The following LCOR variants were observed in gnomAD, a reference collection of about 807,000 sequenced individuals.
LCOR encodes ligand dependent nuclear receptor corepressor, also known as ligand-dependent corepressor.
A neutral mutation model predicts 64.4 loss-of-function variants in LCOR; 14 were observed. The ratio of observed to expected loss-of-function variants is 0.22; its 90% CI spans 0.14 to 0.34. The LOEUF is 0.34. LCOR is among the 10% of genes least tolerant of loss of function. The pLI, the probability that LCOR is intolerant of heterozygous loss-of-function variation, is 1.00. For synonymous variants in LCOR, 643 were observed against 642.5 expected (o/e 1.00, Z -0.01); for missense variants, 1,686 against 1,765.3 (o/e 0.96, Z 0.80).
At chr10:96,912,054 C>G (rs538788977) in intron 4 of LCOR, among the ~76,000 whole-genome samples, 1 of 152,078 alleles carries the variant, frequency 6.6e-6, no homozygotes, top group African/African-American at 2.4e-5. Flanking sequence ...ACCTCAGTCT[C>G]CCGAGTAGCT....
intron 2 of LCOR, among the ~76,000 whole-genome samples, chr10:96,874,263 A>G (rs1846126452): frequency 6.6e-6 from 1 of 152,222 alleles, no homozygotes; most frequent in South Asian, 2.1e-4. Context: ...CCATCATTAA[A>G]GATTCTTCTG....
At chr10:96,920,381 C>G (rs1847026769) in intron 4 of LCOR, among the ~76,000 whole-genome samples, 1 of 79,010 alleles carries the variant, frequency 1.3e-5, no homozygotes, top group East Asian at 4.5e-4. Context: ...GTTCTTCATT[C>G]ATATATATAT....
At chr10:96,956,823 T>A (rs1847791616) in intron 7 of LCOR, 11 of 985,688 alleles carry the variant, frequency 1.1e-5, no homozygotes, top group African/African-American at 1.7e-5. Context: ...TTTGTATTCT[T>A]CAGTCCTTTT....
chr10:96,985,376 C>T lies in LCOR; in HGVS notation c.*242C>T. On this transcript the variant is annotated 3_prime_UTR_variant, in exon 8 of 8. Coordinates refer to ENST00000421806, the MANE Select transcript of LCOR (RefSeq NM_001346516.2). ...TGTTCCTTGGGTTTTAAACTTGGAA[C>T]CAAGCAGTTTTCGTTTTTAAAAGTA... The T allele has an allele frequency of 2.4e-6, 1 of 418,358 alleles. No homozygotes were observed. Among genetic ancestry groups the T allele is most frequent in the Non-Finnish European group, 4.2e-6 (1 of 240,926 alleles). The allele number at this position is 418,358 out of a possible 1,614,324, so 25.9% of individuals were successfully genotyped here. A position where few individuals can be genotyped will look rare whatever the true frequency, so the allele number is the denominator to read the frequency against.
At chr10:96,883,774 C>G (rs1321922930) in intron 2 of LCOR, among the ~76,000 whole-genome samples, 1 of 151,978 alleles carries the variant, frequency 6.6e-6, no homozygotes, top group Admixed American at 6.6e-5. Context: ...TATTTATTTC[C>G]CAGTCTGTGG....
intron 4 of LCOR, chr10:96,915,949 G>A: frequency 2.9e-6 from 1 of 348,816 alleles, no homozygotes; most frequent in South Asian, 2.7e-5. Context: ...GCAGGATGCA[G>A]TGGTGCGTGG....
chr10:96,971,499 G>C (rs1037743482), intron 7 of LCOR, among the ~76,000 whole-genome samples: 17 of 152,098 alleles, frequency 1.1e-4, no homozygotes, highest in Non-Finnish European at 8.8e-5. Context: ...AGACGGTTAG[G>C]TCAATAGTTA....
chr10:96,952,096 T>C lies in LCOR; in HGVS notation c.239-7T>C. ...ATATCCTCAGGTGTTTCTTTGTGTC[T>C]CTGCAGACGGTGTACTTGATCTGTC... On this transcript the variant is annotated splice_region_variant and splice_polypyrimidine_tract_variant and intron_variant, in intron 6 of 7. Transcript: ENST00000421806. 1 of 1,607,624 alleles carries C rather than the reference T, an allele frequency of 6.2e-7. No homozygotes were observed. The highest frequency in any genetic ancestry group is 8.5e-7 in the Non-Finnish European group (1 of 1,174,830).
intron 2 of LCOR, among the ~76,000 whole-genome samples, chr10:96,888,506 T>C (rs1353527943): frequency 1.3e-5 from 2 of 151,700 alleles, no homozygotes; most frequent in South Asian, 4.1e-4. Flanking sequence ...ATAGGATCAG[T>C]AGTGATATTA....
chr10:96,849,024 T>TC (rs1845680427), intron 2 of LCOR, among the ~76,000 whole-genome samples: 1 of 150,642 alleles, frequency 6.6e-6, no homozygotes, highest in Non-Finnish European at 1.5e-5. Context: ...TTTTTTTTTT[T>TC]TTTGAGACAG....
At chr10:96,921,613 C>T (rs1050012400) in intron 4 of LCOR, among the ~76,000 whole-genome samples, 2 of 152,138 alleles carry the variant, frequency 1.3e-5, no homozygotes, top group African/African-American at 2.4e-5. Flanking sequence ...AGATGCATGC[C>T]ATCACACCTG....
At chr10:96,961,253 GTTTGGGGGGTAAT>G (rs1847874858) in intron 7 of LCOR, 1 of 152,070 alleles carries the variant, frequency 6.6e-6, no homozygotes, top group African/African-American at 2.4e-5. Context: ...TTCTGCAACC[GTTTGGGGGGTAAT>G]TTTATGGTTT....
At chr10:96,942,307 GCGGCGCGCGCCTGCAATCGCAGGCACT>G (rs1287655546) in intron 4 of LCOR, among the ~76,000 whole-genome samples, 2 of 152,136 alleles carry the variant, frequency 1.3e-5, no homozygotes, top group Non-Finnish European at 2.9e-5. Flanking sequence ...GTCAGGCGTG[GCGGCGCGCGCCTGCAATCGCAGGCACT>G]CGGCAGGCTG....
chr10:96,843,178 G>A (rs961127308), intron 2 of LCOR, among the ~76,000 whole-genome samples: 5 of 152,176 alleles, frequency 3.3e-5, no homozygotes, highest in Non-Finnish European at 7.3e-5. Flanking sequence ...TGGCTGGAAT[G>A]CAGCGGCATG....
At chr10:96,957,557 C>G in intron 7 of LCOR, 1 of 985,258 alleles carries the variant, frequency 1.0e-6, no homozygotes, top group African/African-American at 1.7e-5. Flanking sequence ...TAACCAAAAA[C>G]AAACATTATT....
At chr10:96,873,819 T>C (rs981239691) in intron 2 of LCOR, among the ~76,000 whole-genome samples, 1 of 152,056 alleles carries the variant, frequency 6.6e-6, no homozygotes, top group African/African-American at 2.4e-5. Flanking sequence ...GGTAATGCTG[T>C]AAATAAGTTG....
At position 96,982,844 on chromosome 10, in the gene LCOR, C is replaced by T. The variant is rs748285108; in HGVS notation, c.2384C>T (p.Ser795Leu). Reference protein sequence around the residue: ...EKDTYDTSIDSLEENLDKKKK... With the variant: ...EKDTYDTSIDLLEENLDKKKK... ...GACACGTATGATACAAGCATTGACTCACTCGAAGAGAATTTGGACAAGAAG... is the reference window on the plus strand; with the variant it reads ...GACACGTATGATACAAGCATTGACTTACTCGAAGAGAATTTGGACAAGAAG... The change falls in exon 8 of 8, where the codon TCA becomes TTA. Residue 795 changes from serine (S) to leucine (L), a missense_variant. This residue lies in a region of LCOR where 1,293 missense variants were observed against 1,410.4 expected (regional missense o/e 0.92). Coordinates refer to ENST00000421806, the MANE Select transcript of LCOR (RefSeq NM_001346516.2). 2.5e-6 allele frequency: 4 copies of T among 1,614,104 alleles called. No homozygotes were observed. The highest frequency in any genetic ancestry group is 1.7e-5 in the Admixed American group (1 of 60,026).
intron 3 of LCOR, among the ~76,000 whole-genome samples, 161 bp downstream of exon 3, chr10:96,907,491 A>G (rs943172040): frequency 6.6e-5 from 10 of 152,186 alleles, no homozygotes; most frequent in Admixed American, 6.5e-5. Context: ...TAATATATGT[A>G]TGAATAATGT....
chr10:96,913,054 A>T (rs955123222), intron 4 of LCOR, among the ~76,000 whole-genome samples: 22 of 151,790 alleles, frequency 1.4e-4, no homozygotes, highest in Admixed American at 5.2e-4. Context: ...TCTTTTTTTT[A>T]AAGCACTTTT....
Sources: gnomAD v4.1 joint callset for allele counts (sites outside exome capture counted in the v4.1 genomes callset) on GRCh38, gnomAD v4.1.1 for gene constraint, gnomAD v4.1.1 regional missense constraint, MANE v1.5 for transcripts, NCBI Gene and HGNC (gene_info 2026-07-23, HGNC 2026-07-21) for gene names.